Variants in HSD17B14 observed in about 807,000 individuals in gnomAD.
HSD17B14 encodes L-fucose dehydrogenase.
A neutral mutation model predicts 32.2 loss-of-function variants in HSD17B14; 32 were observed. That is an observed-to-expected ratio of 0.99 (90% CI 0.75 to 1.33). The LOEUF is 1.33. Ranked by LOEUF, HSD17B14 falls within the 40% of genes most tolerant of loss-of-function variation. The pLI, the probability that HSD17B14 is intolerant of heterozygous loss-of-function variation, is 0.00. For synonymous variants in HSD17B14, 140 were observed against 155.4 expected (o/e 0.90, Z 0.74); for missense variants, 370 against 366.5 (o/e 1.01, Z -0.08).
chr19:48,832,750 G>A lies in HSD17B14; in HGVS notation c.211-18C>T. 1 of 1,594,490 alleles carries A rather than the reference G, an allele frequency of 6.3e-7. No individual in the cohort carries two copies. Among genetic ancestry groups the A allele is most frequent in the Non-Finnish European group, 8.6e-7 (1 of 1,169,446 alleles). ...ACCAGGGTCTGAGGAGAAAGGAAAT[G>A]TCCTTTGTTTTTTTTTTTTGGAGAC... On this transcript the variant is annotated intron_variant, in intron 3 of 8. Transcript: ENST00000263278.
intron 5 of HSD17B14, among the ~76,000 whole-genome samples, chr19:48,826,542 T>TATATATATATATATATATATATAC: frequency 5.7e-4 from 46 of 80,114 alleles, no homozygotes; most frequent in Admixed American, 1.1e-3. Context: ...TATATATATA[T>TATATATATATATATATATATATAC]ACACACACAC....
At chr19:48,820,263 C>T (rs1402435393) in intron 5 of HSD17B14, among the ~76,000 whole-genome samples, 29 of 152,186 alleles carry the variant, frequency 1.9e-4, no homozygotes, top group South Asian at 6.2e-4. Flanking sequence ...CACCTAAGGT[C>T]AAGAGTTCGA....
chr19:48,813,621 C>A, intron 7 of HSD17B14, 42 bp downstream of exon 7: 1 of 1,613,288 alleles, frequency 6.2e-7, no homozygotes, highest in Non-Finnish European at 8.5e-7. Context: ...CCAGTCACCC[C>A]AGTCCCCCCA....
intron 5 of HSD17B14, among the ~76,000 whole-genome samples, chr19:48,816,814 T>TCTTTCTTTCTTTCTTTCTTTCTTC (rs2035062948): frequency 1.2e-5 from 1 of 86,942 alleles, no homozygotes; most frequent in African/African-American, 4.9e-5. Flanking sequence ...TTTCTTTCTT[T>TCTTTCTTTCTTTCTTTCTTTCTTC]CTTTCTTTCT....
At chr19:48,831,823 T>A in intron 4 of HSD17B14, 64 bp from the exon 5 acceptor site, 2 of 939,384 alleles carry the variant, frequency 2.1e-6, no homozygotes, top group Non-Finnish European at 3.4e-6. Flanking sequence ...CCCACGCCTG[T>A]AATCCCAGCA....
intron 5 of HSD17B14, among the ~76,000 whole-genome samples, chr19:48,830,134 AC>A: frequency 6.6e-6 from 1 of 151,514 alleles, no homozygotes; most frequent in South Asian, 2.1e-4. Flanking sequence ...AGCCAGACAG[AC>A]TCCATCCTGG....
rs767267854 is a variant in HSD17B14, at chr19:48,834,337, T to C, written c.149A>G (p.Glu50Gly). 11 of 1,613,748 alleles carry C rather than the reference T, an allele frequency of 6.8e-6. No homozygotes were observed. In the East Asian group the frequency reaches 2.5e-4, roughly 36 times the overall value. ...DKDESGGRAL[E>G]QELPGAVFIL... ...AAAGACAGCTCCAGGGAGCTCCTGCTCCAGGGCCCGGCCCCCAGACTCTGC... is the reference window on the plus strand; with the variant it reads ...AAAGACAGCTCCAGGGAGCTCCTGCCCCAGGGCCCGGCCCCCAGACTCTGC... Residue 50 changes from glutamate (E) to glycine (G), a missense_variant, in exon 3 of 9, where the codon GAG becomes GGG. Physicochemically the swap from Glu to Gly is moderately conservative, Grantham distance 98. Coordinates refer to ENST00000263278, the MANE Select transcript of HSD17B14 (RefSeq NM_016246.3).
chr19:48,831,564 CAAAT>C (rs2122793507), intron 5 of HSD17B14, 100 bp downstream of exon 5: 2 of 851,192 alleles, frequency 2.3e-6, no homozygotes, highest in African/African-American at 1.7e-5. Context: ...AACAAACAAA[CAAAT>C]AAAAAGAACG....
chr19:48,834,270 G>A lies in HSD17B14; in HGVS notation c.210+6C>T. The A allele has an allele frequency of 1.2e-6, 2 of 1,612,260 alleles. No individual in the cohort carries two copies. The highest frequency in any genetic ancestry group is 1.1e-5 in the South Asian group (1 of 91,032). On this transcript the variant is annotated splice_donor_region_variant and intron_variant, in intron 3 of 8. Transcript: ENST00000263278. The stretch of plus-strand genomic sequence containing the variant: ...AGATGGGGGTAGGAACAGGAACTCG[G>A]CTTACCTTCACATCATCTTCCTGAG...
At chr19:48,827,364 T>A (rs537450207) in intron 5 of HSD17B14, among the ~76,000 whole-genome samples, 1 of 151,916 alleles carries the variant, frequency 6.6e-6, no homozygotes, top group Non-Finnish European at 1.5e-5. Flanking sequence ...TTTCTTCTGT[T>A]GTGTGTTCAT....
At chr19:48,834,442 AGG>A (rs1599845894) in intron 2 of HSD17B14, 84 bp from the exon 3 acceptor site, 4 of 789,354 alleles carry the variant, frequency 5.1e-6, no homozygotes, top group African/African-American at 3.9e-5. Flanking sequence ...GGTCTGAGGG[AGG>A]AGGTGCTGGG....
intron 5 of HSD17B14, among the ~76,000 whole-genome samples, chr19:48,822,980 A>G (rs2035186346): frequency 6.6e-6 from 1 of 152,116 alleles, no homozygotes; most frequent in Non-Finnish European, 1.5e-5. Context: ...AAGTGTTCAC[A>G]AGATTCCTTT....
intron 6 of HSD17B14, 37 bp downstream of exon 6, chr19:48,815,000 G>A (rs1362278152): frequency 1.3e-6 from 2 of 1,504,344 alleles, no homozygotes; most frequent in Non-Finnish European, 1.9e-6. Context: ...CCATGGGAAG[G>A]AGTAGGGAGG....
Position 48,818,900 on chromosome 19 carries a change from C to A in HSD17B14, c.370-3759G>T, listed in dbSNP as rs115460069. Among the ~76,000 whole-genome samples the A allele has an allele frequency of 7.8e-4, 119 of 152,250 alleles. 1 individual carries two copies. The highest frequency in any genetic ancestry group is 2.7e-3 in the African/African-American group (114 of 41,524). On this transcript the variant is annotated intron_variant, in intron 5 of 8. Coordinates refer to ENST00000263278, the MANE Select transcript of HSD17B14 (RefSeq NM_016246.3). The stretch of plus-strand genomic sequence containing the variant: ...TTGGGAGCAATGAGGCCAGTGTGGC[C>A]GGAGGTGAGGTCAGAGAAGAACAGG...
chr19:48,832,787 C>T (rs1275756006), intron 3 of HSD17B14, 55 bp from the exon 4 acceptor site: 2 of 1,434,108 alleles, frequency 1.4e-6, no homozygotes, highest in Non-Finnish European at 1.9e-6. Context: ...GTGTCTCCCT[C>T]TTGTCACTCA....
At chr19:48,827,143 T>A (rs1360417838) in intron 5 of HSD17B14, among the ~76,000 whole-genome samples, 3 of 151,224 alleles carry the variant, frequency 2.0e-5, no homozygotes, top group Admixed American at 2.0e-4. Flanking sequence ...CCTGGGTTCA[T>A]GAGATTGTCC....
intron 4 of HSD17B14, among the ~76,000 whole-genome samples, chr19:48,832,447 G>T (rs1162356700): frequency 6.6e-6 from 1 of 152,112 alleles, no homozygotes; most frequent in East Asian, 1.9e-4. Flanking sequence ...ATGGCCAAGT[G>T]AGGGCACAGC....
intron 3 of HSD17B14, among the ~76,000 whole-genome samples, chr19:48,833,795 C>T (rs1025068045): frequency 1.3e-5 from 2 of 151,366 alleles, no homozygotes; most frequent in African/African-American, 2.4e-5. Flanking sequence ...CATTGCACTC[C>T]AGCCTGGGCA....
chr19:48,832,544 T>G (rs554188056), intron 4 of HSD17B14, 122 bp downstream of exon 4: 1 of 854,858 alleles, frequency 1.2e-6, no homozygotes, highest in African/African-American at 1.7e-5. Context: ...CCTGTCCAAG[T>G]GGCTAGAAAG....
Sources: allele counts gnomAD v4.1 joint callset (sites outside exome capture counted in the v4.1 genomes callset), GRCh38; gene constraint gnomAD v4.1.1; transcripts MANE v1.5; gene names NCBI Gene and HGNC (gene_info 2026-07-23, HGNC 2026-07-21).